The following AGBL4 variants were observed in gnomAD, a reference collection of about 807,000 sequenced individuals.
AGBL4 encodes the protein cytosolic carboxypeptidase 6.
A neutral mutation model predicts 66.4 loss-of-function variants in AGBL4; 58 were observed. That is an observed-to-expected ratio of 0.87 (90% CI 0.71 to 1.09). AGBL4 has a LOEUF of 1.09. Among genes scored for constraint, AGBL4 ranks in the 50% least tolerant of loss-of-function variants. The pLI, the probability that AGBL4 is intolerant of heterozygous loss-of-function variation, is 0.00. For missense variants in AGBL4, 579 were observed against 631.0 expected (o/e 0.92, Z 0.88); for synonymous variants, 234 against 222.9 (o/e 1.05, Z -0.44).
intron 5 of AGBL4, among the ~76,000 whole-genome samples, chr1:48,983,031 G>A (rs910733897): frequency 3.9e-5 from 6 of 152,142 alleles, no homozygotes; most frequent in African/African-American, 1.2e-4. Context: ...CTGTGTATGT[G>A]AGGTTTTTTA....
intron 5 of AGBL4, among the ~76,000 whole-genome samples, chr1:48,961,410 T>C (rs919986011): frequency 3.5e-4 from 53 of 152,310 alleles, no homozygotes; most frequent in African/African-American, 1.2e-3. Context: ...CAATTGATTT[T>C]CACAATATGC....
At chr1:49,042,964 C>T (rs1190355871) in intron 5 of AGBL4, among the ~76,000 whole-genome samples, 1 of 152,082 alleles carries the variant, frequency 6.6e-6, no homozygotes, top group Non-Finnish European at 1.5e-5. Context: ...TCTGCCTAGT[C>T]ATAAATCTAA....
At chr1:48,752,530 C>G (rs893063562) in intron 6 of AGBL4, among the ~76,000 whole-genome samples, 1 of 152,140 alleles carries the variant, frequency 6.6e-6, no homozygotes, top group African/African-American at 2.4e-5. Context: ...CAAGGGGAAA[C>G]AGGAAATCTC....
At chr1:49,594,910 G>A (rs986662848) in intron 3 of AGBL4, among the ~76,000 whole-genome samples, 1 of 152,102 alleles carries the variant, frequency 6.6e-6, no homozygotes, top group Admixed American at 6.5e-5. Context: ...TAGGTCAAAT[G>A]GTATTTCTGG....
intron 3 of AGBL4, among the ~76,000 whole-genome samples, chr1:49,440,785 AC>A (rs1241393865): frequency 1.3e-5 from 2 of 152,178 alleles, no homozygotes; most frequent in African/African-American, 2.4e-5. Context: ...CCAGGTATCT[AC>A]TGTTAAAGTG....
At chr1:48,603,564 C>G (rs935027086) in intron 9 of AGBL4, among the ~76,000 whole-genome samples, 1 of 152,026 alleles carries the variant, frequency 6.6e-6, no homozygotes, top group African/African-American at 2.4e-5. Context: ...TTCCAAAGAC[C>G]CTTACATGGA....
chr1:49,097,441 T>C (rs1305175077), intron 4 of AGBL4, among the ~76,000 whole-genome samples: 1 of 152,192 alleles, frequency 6.6e-6, no homozygotes, highest in Non-Finnish European at 1.5e-5. Flanking sequence ...ACTTATTATA[T>C]GTGTACTTTT....
chr1:48,972,509 C>T (rs903315331), intron 5 of AGBL4, among the ~76,000 whole-genome samples: 1 of 152,094 alleles, frequency 6.6e-6, no homozygotes. Flanking sequence ...TTCTCAATCC[C>T]GTGGGGTAGG....
chr1:50,012,305 A>G (rs1661609617), intron 1 of AGBL4, among the ~76,000 whole-genome samples: 1 of 152,086 alleles, frequency 6.6e-6, no homozygotes, highest in Non-Finnish European at 1.5e-5. Flanking sequence ...TAGGGTGACT[A>G]TAGTCAATAA....
At chr1:48,725,305 C>A (rs1647217890) in intron 6 of AGBL4, among the ~76,000 whole-genome samples, 1 of 152,148 alleles carries the variant, frequency 6.6e-6, no homozygotes, top group Non-Finnish European at 1.5e-5. Flanking sequence ...TTATCCCAGA[C>A]CTACCGAATC....
At chr1:49,179,059 T>C (rs1354689726) in intron 4 of AGBL4, among the ~76,000 whole-genome samples, 1 of 152,172 alleles carries the variant, frequency 6.6e-6, no homozygotes, top group African/African-American at 2.4e-5. Flanking sequence ...CTTTTTTAAT[T>C]TTTCTCATAA....
At chr1:49,210,352 G>A (rs1648568862) in intron 4 of AGBL4, among the ~76,000 whole-genome samples, 1 of 152,072 alleles carries the variant, frequency 6.6e-6, no homozygotes, top group Non-Finnish European at 1.5e-5. Flanking sequence ...TGACTCTTAA[G>A]CTTCTGATTG....
intron 2 of AGBL4, among the ~76,000 whole-genome samples, chr1:49,791,928 C>T (rs374730404): frequency 6.4e-4 from 98 of 152,120 alleles, no homozygotes; most frequent in Non-Finnish European, 1.2e-3. Flanking sequence ...GTACACCCTA[C>T]GCCTAGCATT....
intron 3 of AGBL4, among the ~76,000 whole-genome samples, chr1:49,400,040 A>G (rs567834531): frequency 5.6e-4 from 85 of 152,030 alleles, no homozygotes; most frequent in Non-Finnish European, 8.1e-4. Context: ...AGCATAGGTC[A>G]CCATATATGA....
At chr1:49,714,966 T>A (rs1252458138) in intron 2 of AGBL4, among the ~76,000 whole-genome samples, 1 of 151,792 alleles carries the variant, frequency 6.6e-6, no homozygotes, top group East Asian at 1.9e-4. Context: ...ATTTAATTTT[T>A]AAAAATTTTT....
chr1:48,790,583 T>A (rs987241499), intron 6 of AGBL4, among the ~76,000 whole-genome samples: 1 of 152,192 alleles, frequency 6.6e-6, no homozygotes, highest in Non-Finnish European at 1.5e-5. Context: ...AGGATGATGA[T>A]TTCCCCAAAG....
intron 6 of AGBL4, among the ~76,000 whole-genome samples, chr1:48,864,832 T>C (rs768657746): frequency 4.6e-5 from 7 of 152,136 alleles, no homozygotes; most frequent in African/African-American, 1.7e-4. Flanking sequence ...TTTATAATTT[T>C]CGTCCAAAAA....
chr1:49,373,522 A>G (rs1557879600), intron 3 of AGBL4, among the ~76,000 whole-genome samples: 1 of 152,224 alleles, frequency 6.6e-6, no homozygotes, highest in Non-Finnish European at 1.5e-5. Context: ...TTTTTAAAGA[A>G]ACAATTCTGG....
rs1655525804 is a variant in AGBL4, at chr1:48,936,885, T to A, written c.595-69655A>T. ...TTGAGGAAAAACTTGGAAAATCCCC[T>A]CAGAATTAATCAGAATTGTAAGGGC... On this transcript the variant is annotated intron_variant, in intron 5 of 13. Transcript: ENST00000371839. 2.0e-5 allele frequency among the ~76,000 whole-genome samples: 3 copies of A among 152,194 alleles called. No individual in the cohort carries two copies. In the South Asian group the frequency reaches 6.2e-4, roughly 31 times the overall value.
Sources: allele counts gnomAD v4.1 joint callset (sites outside exome capture counted in the v4.1 genomes callset), GRCh38; gene constraint gnomAD v4.1.1; transcripts MANE v1.5; gene names NCBI Gene and HGNC (gene_info 2026-07-23, HGNC 2026-07-21).